Variants in PITRM1 observed in about 807,000 individuals in gnomAD.
PITRM1 encodes the protein presequence protease, mitochondrial.
Under a neutral mutation model 129.9 loss-of-function variants are expected in PITRM1, and 100 were observed. That is an observed-to-expected ratio of 0.77 (90% CI 0.65 to 0.91). The LOEUF is 0.91. Among genes scored for constraint, PITRM1 ranks in the 40% least tolerant of loss-of-function variants. The pLI, the probability that PITRM1 is intolerant of heterozygous loss-of-function variation, is 0.00. For missense variants in PITRM1, 1,471 were observed against 1,318.3 expected, an observed-to-expected ratio of 1.12 and a Z score of -1.79; for synonymous variants, 591 against 508.8, an observed-to-expected ratio of 1.16 and a Z score of -2.17.
intron 15 of PITRM1, among the ~76,000 whole-genome samples, chr10:3,150,455 C>G (rs899807160): frequency 6.6e-6 from 1 of 152,084 alleles, no homozygotes; most frequent in African/African-American, 2.4e-5. Flanking sequence ...CAAGCGCTGT[C>G]AGAAGACAAA....
intron 7 of PITRM1, among the ~76,000 whole-genome samples, chr10:3,162,564 T>G (rs1040999620): frequency 2.6e-5 from 4 of 152,198 alleles, no homozygotes; most frequent in African/African-American, 9.6e-5. Context: ...TGGACCCCGC[T>G]GGTGTGAGAT....
Position 3,150,663 on chromosome 10 carries a change from G to A in PITRM1, c.1738+584C>T, listed in dbSNP as rs143013657. On this transcript the variant is annotated intron_variant, in intron 15 of 26. Coordinates refer to ENST00000224949, the MANE Select transcript of PITRM1 (RefSeq NM_014889.4). Reference sequence around the variant, plus strand: ...CTCCTGCTACTAGCCAGGAGCCAGAGAGAAAGGGGGCACCCTGAGAACTCA... The same window carrying A: ...CTCCTGCTACTAGCCAGGAGCCAGAAAGAAAGGGGGCACCCTGAGAACTCA... Among the ~76,000 whole-genome samples, 16 of 152,278 alleles carry A rather than the reference G, an allele frequency of 1.1e-4. No homozygotes were observed. In the East Asian group the frequency reaches 2.9e-3, roughly 28 times the overall value.
intron 2 of PITRM1, among the ~76,000 whole-genome samples, chr10:3,167,265 T>C (rs1842938940): frequency 7.7e-6 from 1 of 129,162 alleles, no homozygotes; most frequent in South Asian, 2.6e-4. Context: ...TATGTGTGTG[T>C]GTGTATAGAA....
At position 3,166,912 on chromosome 10, in the gene PITRM1, ATGTTC is replaced by A. The variant is rs772957027; in HGVS notation, c.266+19_266+23del. The A allele has an allele frequency of 1.9e-5, 26 of 1,343,182 alleles. No individual in the cohort carries two copies. Among genetic ancestry groups the A allele is most frequent in the Non-Finnish European group, 1.1e-6 (1 of 950,528 alleles). The allele number at this position is 1,343,182 out of a possible 1,614,324, so 83.2% of individuals were successfully genotyped here. A position where few individuals can be genotyped will look rare whatever the true frequency, so the allele number is the denominator to read the frequency against. On this transcript the variant is annotated intron_variant, in intron 3 of 26. Coordinates refer to ENST00000224949, the MANE Select transcript of PITRM1 (RefSeq NM_014889.4). The stretch of plus-strand genomic sequence containing the variant: ...GATTTAAATAAAAACATTCAAGACC[ATGTTC>A]TTACAATGCACCACACACCTGAACA...
In PITRM1 at chr10:3,140,575, G is replaced by A. The variant is rs73577181; in HGVS notation, c.2771+112C>T. On this transcript the variant is annotated intron_variant, in intron 24 of 26. Transcript: ENST00000224949. ...CCCAAGGAGTGAAAAGAAGCACACAGAACAACTTTTGTCTAAAATTCACTG... is the reference window on the plus strand; with the variant it reads ...CCCAAGGAGTGAAAAGAAGCACACAAAACAACTTTTGTCTAAAATTCACTG... 4,801 of 1,008,912 alleles carry A rather than the reference G, an allele frequency of 4.8e-3. 155 individuals are homozygous for A. The African/African-American group carries it at 0.071, about 15-fold the overall frequency. 62.5% of individuals were successfully genotyped at this position (1,008,912 alleles called of 1,614,324 possible).
Position 3,147,584 on chromosome 10 carries a change from G to A in PITRM1, c.2223C>T (p.Ser741=), listed in dbSNP as rs191395257. ...TPAGDLQETF[S]GMDQVRLMKR... is the part of the protein sequence containing the mutation. ...CCAAGCTTCCCACCTGATCCATCCC[G>A]CTGAAGGTCTCCTGCAGGTCCCCTG... The change falls in exon 19 of 27, where the codon AGC becomes AGT. Residue 741 remains serine, a synonymous_variant. Transcript: ENST00000224949. 3,138 of 1,613,974 alleles carry A rather than the reference G, an allele frequency of 1.9e-3. 4 individuals carry two copies. The highest frequency in any genetic ancestry group is 2.5e-3 in the Non-Finnish European group (2,900 of 1,179,880).
At chr10:3,167,281 G>GAA (rs1268550284) in intron 2 of PITRM1, among the ~76,000 whole-genome samples, 6 of 74,118 alleles carry the variant, frequency 8.1e-5, no homozygotes, top group Admixed American at 3.9e-4. Context: ...TAGAAAGAGA[G>GAA]AGAGAGCGAG....
In PITRM1 at chr10:3,146,030, G is replaced by A. The variant is rs111373745; in HGVS notation, c.2337-314C>T. The A allele has an allele frequency of 8.0e-3, 2,294 of 287,240 alleles. 48 individuals are homozygous for A. Among genetic ancestry groups the A allele is most frequent in the African/African-American group, 0.046 (2,059 of 44,948 alleles). The allele number at this position is 287,240 out of a possible 1,614,324, so 17.8% of individuals were successfully genotyped here. ...TTAAGATCTGCTAACCGTGCCTTCG[G>A]AATTACACTATCAAAACACTGACAA... is the stretch of plus-strand genomic sequence containing the variant. On this transcript the variant is annotated intron_variant, in intron 20 of 26. Transcript: ENST00000224949.
intron 14 of PITRM1, among the ~76,000 whole-genome samples, chr10:3,153,863 T>G (rs924263546): frequency 2.6e-5 from 4 of 152,248 alleles, no homozygotes; most frequent in African/African-American, 9.6e-5. Flanking sequence ...GAAAAGTAAG[T>G]GCATGTGTGT....
intron 2 of PITRM1, among the ~76,000 whole-genome samples, chr10:3,168,900 AACAAAGTTTCCATCTACACACACACACAC>A (rs939150774): frequency 6.6e-6 from 1 of 151,296 alleles, no homozygotes; most frequent in African/African-American, 2.4e-5. Context: ...CAGTCTAGGC[AACAAAGTTTCCATCTACACACACACACAC>A]ACACACACAC....
At chr10:3,139,703 G>A (rs984704118) in intron 24 of PITRM1, among the ~76,000 whole-genome samples, 2 of 152,128 alleles carry the variant, frequency 1.3e-5, no homozygotes, top group African/African-American at 2.4e-5. Flanking sequence ...TCTCACTGTC[G>A]CCCAGGCTGG....
intron 11 of PITRM1, among the ~76,000 whole-genome samples, chr10:3,157,792 T>G (rs1281791163): frequency 6.6e-6 from 1 of 152,122 alleles, no homozygotes; most frequent in Non-Finnish European, 1.5e-5. Flanking sequence ...TGAGCTGAGA[T>G]CACGCCACTG....
rs779018680 is a variant in PITRM1, at chr10:3,170,214, A to G, written c.57-8T>C. ...GCTCTGTGGTGTGCATGTCTAGATT[A>G]AAAGTCATCTAAGTTAGATGAGTTG... On this transcript the variant is annotated splice_polypyrimidine_tract_variant and splice_region_variant and intron_variant, in intron 1 of 26. Coordinates refer to ENST00000224949, the MANE Select transcript of PITRM1 (RefSeq NM_014889.4). The G allele has an allele frequency of 5.0e-6, 8 of 1,609,536 alleles. No individual in the cohort carries two copies. The highest frequency in any genetic ancestry group is 6.8e-6 in the Non-Finnish European group (8 of 1,176,064).
Position 3,144,311 on chromosome 10 carries a change from A to C in PITRM1, c.2513T>G (p.Val838Gly), listed in dbSNP as rs571049749. ...GDAHVPHGSQ[V>G]IRKLVMEPTF... ...TCTTACCATGACCAGCTTCCTAATGACCTGGGAGCCATGGGGAACGTGGGC... is the reference window on the plus strand; with the variant it reads ...TCTTACCATGACCAGCTTCCTAATGCCCTGGGAGCCATGGGGAACGTGGGC... The change falls in exon 22 of 27, where the codon GTC becomes GGC. Residue 838 changes from valine to glycine, a missense_variant. Transcript: ENST00000224949. 1 of 1,559,914 alleles carries C rather than the reference A, an allele frequency of 6.4e-7. No individual in the cohort carries two copies. The highest frequency in any genetic ancestry group is 1.4e-5 in the African/African-American group (1 of 73,576).
chr10:3,148,468 T>A, intron 16 of PITRM1, 177 bp from the exon 17 acceptor site: 1 of 691,392 alleles, frequency 1.4e-6, no homozygotes, highest in South Asian at 2.6e-5. Context: ...CCTCGAGAGT[T>A]CATGTGCCCC....
intron 1 of PITRM1, chr10:3,172,153 G>C: frequency 2.2e-6 from 1 of 455,716 alleles, no homozygotes; most frequent in Non-Finnish European, 4.4e-6. Flanking sequence ...CGTGCCTCCC[G>C]GCCTGGGCCG....
At position 3,143,513 on chromosome 10, in the gene PITRM1, G is replaced by A. The variant is rs374837337; in HGVS notation, c.2533-12C>T. 5.7e-5 allele frequency: 90 copies of A among 1,571,202 alleles called. 1 individual carries two copies. Among genetic ancestry groups the A allele is most frequent in the East Asian group, 2.2e-4 (10 of 44,692 alleles). ...TTGAAGGTGGGTTCCTGAGGGACAC[G>A]GTATGGTCAGAGGCGGCTGTGCTGC... is the stretch of plus-strand genomic sequence containing the variant. On this transcript the variant is annotated splice_polypyrimidine_tract_variant and intron_variant, in intron 22 of 26. Coordinates refer to ENST00000224949, the MANE Select transcript of PITRM1 (RefSeq NM_014889.4).
chr10:3,159,424 AC>A, intron 9 of PITRM1, among the ~76,000 whole-genome samples: 1 of 152,114 alleles, frequency 6.6e-6, no homozygotes, highest in South Asian at 2.1e-4. Context: ...CTTCCTGAAC[AC>A]CCCCGGGCAT....
chr10:3,165,381 C>T, intron 5 of PITRM1, 32 bp downstream of exon 5: 1 of 1,602,318 alleles, frequency 6.2e-7, no homozygotes, highest in Non-Finnish European at 8.5e-7. Flanking sequence ...ATACTAAAGT[C>T]TGTATCAACT....
Sources: gnomAD v4.1 joint callset for allele counts (sites outside exome capture counted in the v4.1 genomes callset) on GRCh38, gnomAD v4.1.1 for gene constraint, MANE v1.5 for transcripts, NCBI Gene and HGNC (gene_info 2026-07-23, HGNC 2026-07-21) for gene names.